PPARD: variants seen among roughly 807,000 people sequenced by gnomAD.
PPARD encodes the protein peroxisome proliferator activated receptor delta, also known as peroxisome proliferator-activated receptor delta.
Under a neutral mutation model 39.5 loss-of-function variants are expected in PPARD, and 6 were observed. That is an observed-to-expected ratio of 0.15 (90% CI 0.08 to 0.30). The LOEUF (loss-of-function observed/expected upper bound fraction) is 0.30, where lower values mean the gene tolerates loss of function less well. PPARD is among the 10% of genes least tolerant of loss of function. The pLI is 1.00. For missense variants in PPARD, 397 were observed against 596.8 expected (o/e 0.67, Z 3.49); for synonymous variants, 210 against 231.3 (o/e 0.91, Z 0.83).
intron 2 of PPARD, among the ~76,000 whole-genome samples, chr6:35,395,223 G>T (rs1764247525): frequency 6.6e-6 from 1 of 152,176 alleles, no homozygotes; most frequent in Admixed American, 6.5e-5. Flanking sequence ...CGCTCTTCAG[G>T]TTTACAGACA....
intron 2 of PPARD, among the ~76,000 whole-genome samples, 199 bp from the exon 3 acceptor site, chr6:35,410,788 G>T (rs1189525946): frequency 6.6e-6 from 1 of 152,216 alleles, no homozygotes. Flanking sequence ...CACTACAAGA[G>T]CCAGGTGGGA....
At chr6:35,407,840 C>T (rs1237458060) in intron 2 of PPARD, among the ~76,000 whole-genome samples, 1 of 150,872 alleles carries the variant, frequency 6.6e-6, no homozygotes, top group Non-Finnish European at 1.5e-5. Context: ...CAGTCACACA[C>T]TGCTGTTGGT....
chr6:35,399,399 CAAAAAAAAAAAA>C (rs10539871), intron 2 of PPARD, among the ~76,000 whole-genome samples: 1 of 95,512 alleles, frequency 1.0e-5, no homozygotes, highest in African/African-American at 4.1e-5. Flanking sequence ...GACTCTGTCT[CAAAAAAAAAAAA>C]AAAAAAAACA....
intron 5 of PPARD, 36 bp from the exon 6 acceptor site, chr6:35,423,910 C>A: frequency 6.2e-7 from 1 of 1,608,598 alleles, no homozygotes; most frequent in South Asian, 1.1e-5. Context: ...TGGGGCCTGC[C>A]TGGGCTCCTT....
At position 35,424,491 on chromosome 6, in the gene PPARD, G is replaced by C. The variant is rs199590557; in HGVS notation, c.790G>C (p.Ala264Pro). ...VETVRELTEF[A>P]KSIPSFSSLF... ...GACCGTGCGGGAGCTCACTGAGTTC[G>C]CCAAGAGCATCCCCAGCTTCAGCAG... The change falls in exon 7 of 8, where the codon GCC becomes CCC. Residue 264 changes from alanine to proline, a missense_variant. Coordinates refer to ENST00000360694, the MANE Select transcript of PPARD (RefSeq NM_006238.5). The surrounding 1 kb of genome is among the most constrained non-coding windows in gnomAD (Gnocchi z 7.1). 1 of 1,614,174 alleles carries C rather than the reference G, an allele frequency of 6.2e-7. No homozygotes were observed. Among genetic ancestry groups the C allele is most frequent in the Admixed American group, 1.7e-5 (1 of 60,014 alleles).
Position 35,426,330 on chromosome 6 carries a change from GCTCTGTTT to G in PPARD, c.*254_*261del. The G allele has an allele frequency of 1.8e-6, 1 of 561,578 alleles. No individual in the cohort carries two copies. Among genetic ancestry groups the G allele is most frequent in the South Asian group, 2.2e-5 (1 of 45,860 alleles). The allele number at this position is 561,578 out of a possible 1,614,324, so 34.8% of individuals were successfully genotyped here. ...TCCTCTTTCTTTTCTAATTCCTGTT[GCTCTGTTT>G]CTTCCTTTCTGTAGGTTTCTCTCTT... On this transcript the variant is annotated 3_prime_UTR_variant, in exon 8 of 8. Coordinates refer to ENST00000360694, the MANE Select transcript of PPARD (RefSeq NM_006238.5).
intron 2 of PPARD, among the ~76,000 whole-genome samples, chr6:35,385,007 A>G (rs1763518816): frequency 7.9e-6 from 1 of 126,044 alleles, no homozygotes; most frequent in Non-Finnish European, 1.6e-5. Flanking sequence ...TCCGGGAGGG[A>G]GGTGGGAGGG....
intron 2 of PPARD, among the ~76,000 whole-genome samples, chr6:35,381,483 C>G (rs1239145657): frequency 6.6e-6 from 1 of 152,122 alleles, no homozygotes; most frequent in Non-Finnish European, 1.5e-5. Context: ...TAGGGCTTGT[C>G]TCTCCGCTCT....
chr6:35,369,456 C>T (rs1418203323), intron 2 of PPARD, among the ~76,000 whole-genome samples: 3 of 152,316 alleles, frequency 2.0e-5, no homozygotes, highest in Non-Finnish European at 2.9e-5. Flanking sequence ...ATTCCCGCCT[C>T]GATGCCCCAT....
At chr6:35,364,638 C>T (rs1406355776) in intron 2 of PPARD, among the ~76,000 whole-genome samples, 6 of 151,042 alleles carry the variant, frequency 4.0e-5, no homozygotes, top group Non-Finnish European at 8.8e-5. Flanking sequence ...GAGGTTTCAC[C>T]GTGTTGGCCA....
intron 2 of PPARD, among the ~76,000 whole-genome samples, chr6:35,392,411 G>C (rs771965986): frequency 6.6e-6 from 1 of 151,840 alleles, no homozygotes. Flanking sequence ...TGCTGGCACC[G>C]TTCCAGCCTC....
chr6:35,359,517 G>A (rs1332015064), intron 2 of PPARD, among the ~76,000 whole-genome samples: 1 of 152,122 alleles, frequency 6.6e-6, no homozygotes, highest in Non-Finnish European at 1.5e-5. Context: ...GTAGTTCTGG[G>A]TGGTTTCTGA....
chr6:35,347,290 A>C, intron 2 of PPARD, 140 bp downstream of exon 2: 1 of 1,010,068 alleles, frequency 9.9e-7, no homozygotes, highest in Non-Finnish European at 1.5e-6. Flanking sequence ...ATCTGGTACC[A>C]GTTGCTTATG....
Position 35,381,274 on chromosome 6 carries a change from C to T in PPARD, c.-101-29713C>T, listed in dbSNP as rs535848628. ...GTAACGTAATGACAAATTATCGTTA[C>T]GTTACAAAGACCAGAGGTTAGAGGT... is the stretch of plus-strand genomic sequence containing the variant. On this transcript the variant is annotated intron_variant, in intron 2 of 7. Coordinates refer to ENST00000360694, the MANE Select transcript of PPARD (RefSeq NM_006238.5). Among the ~76,000 whole-genome samples, 28 of 152,178 alleles carry T rather than the reference C, an allele frequency of 1.8e-4. 1 individual carries two copies. The South Asian group carries it at 5.2e-3, about 28-fold the overall frequency.
chr6:35,390,865 T>TA (rs1000699989), intron 2 of PPARD, among the ~76,000 whole-genome samples: 4 of 151,456 alleles, frequency 2.6e-5, no homozygotes, highest in African/African-American at 4.9e-5. Flanking sequence ...CTATTAAAAA[T>TA]AAAAAAAATT....
At chr6:35,345,713 G>C (rs1245480897) in intron 1 of PPARD, among the ~76,000 whole-genome samples, 3 of 152,084 alleles carry the variant, frequency 2.0e-5, no homozygotes, top group Non-Finnish European at 4.4e-5. Flanking sequence ...TAAGAGGATA[G>C]ACAGTGTAGA....
chr6:35,421,440 C>T (rs147854177), intron 4 of PPARD, among the ~76,000 whole-genome samples: 2,033 of 151,892 alleles, frequency 0.013, 16 homozygotes, highest in Middle Eastern at 0.027. Context: ...CGGGTTCAAG[C>T]GATTCCCCTG....
intron 2 of PPARD, among the ~76,000 whole-genome samples, chr6:35,377,081 T>G (rs745762190): frequency 2.0e-5 from 3 of 151,586 alleles, no homozygotes; most frequent in Non-Finnish European, 4.4e-5. Flanking sequence ...CTTGGAGAAG[T>G]GTTCAGCTTC....
rs888528255 is a variant in PPARD at position 35,401,497 on chromosome 6, C to T, written c.-101-9490C>T. 2.0e-5 allele frequency among the ~76,000 whole-genome samples: 3 copies of T among 152,308 alleles called. No homozygotes were observed. In the South Asian group the frequency reaches 6.2e-4, roughly 32 times the overall value. ...CTCTGCTCCTCCCAGAATAAATACC[C>T]ACATCCTCAGCTTACCCTTCAAGAC... On this transcript the variant is annotated intron_variant, in intron 2 of 7. Transcript: ENST00000360694. The surrounding 1 kb of genome is among the most constrained non-coding windows in gnomAD (Gnocchi z 4.1).
Sources: gnomAD v4.1 joint callset for allele counts (sites outside exome capture counted in the v4.1 genomes callset) on GRCh38, gnomAD v4.1.1 for gene constraint, Gnocchi (gnomAD v3.1) non-coding constraint, MANE v1.5 for transcripts, NCBI Gene and HGNC (gene_info 2026-07-23, HGNC 2026-07-21) for gene names.